The following PUM1 variants were observed in gnomAD, a reference collection of about 807,000 sequenced individuals.
The protein encoded by PUM1 is pumilio RNA binding family member 1, also known as pumilio homolog 1.
In PUM1, 13 loss-of-function variants were observed where a neutral mutation model predicts 131.8. That is an observed-to-expected ratio of 0.10 (90% confidence interval 0.06 to 0.16). The LOEUF is 0.16. Among genes scored for constraint, PUM1 ranks in the 10% least tolerant of loss-of-function variants. PUM1 has a pLI of 1.00. For missense variants in PUM1, 961 were observed against 1,512.4 expected, an observed-to-expected ratio of 0.64 and a Z score of 6.05; for synonymous variants, 509 against 556.5, an observed-to-expected ratio of 0.91 and a Z score of 1.20.
intron 21 of PUM1, 51 bp from the exon 22 acceptor site, chr1:30,933,393 G>A (rs1639037466): frequency 3.2e-6 from 5 of 1,572,368 alleles, no homozygotes; most frequent in Admixed American, 1.7e-5. Flanking sequence ...AGACTTGGGG[G>A]CAGGCTTCCC....
chr1:31,015,671 T>C (rs1472899410), intron 3 of PUM1, among the ~76,000 whole-genome samples: 1 of 150,204 alleles, frequency 6.7e-6, no homozygotes, highest in Non-Finnish European at 1.5e-5. Context: ...TTTTTCTTTT[T>C]TTTTCTTTTT....
intron 2 of PUM1, among the ~76,000 whole-genome samples, chr1:31,057,771 GA>G (rs1176451125): frequency 6.6e-6 from 1 of 150,826 alleles, no homozygotes; most frequent in Non-Finnish European, 1.5e-5. Context: ...CTTTTGGGGG[GA>G]TCAGAGGAAG....
intron 6 of PUM1, among the ~76,000 whole-genome samples, chr1:30,994,838 T>C (rs1570231624): frequency 6.6e-6 from 1 of 152,210 alleles, no homozygotes; most frequent in South Asian, 2.1e-4. Flanking sequence ...AAATGCAAAA[T>C]CTATCATTTT....
chr1:30,981,047 T>A (rs1420293847), intron 8 of PUM1, among the ~76,000 whole-genome samples: 1 of 152,218 alleles, frequency 6.6e-6, no homozygotes, highest in African/African-American at 2.4e-5. Context: ...CACCAGTCAT[T>A]ACTCTGATAA....
At chr1:31,033,263 G>T (rs897549331) in intron 2 of PUM1, among the ~76,000 whole-genome samples, 1 of 151,386 alleles carries the variant, frequency 6.6e-6, no homozygotes, top group Admixed American at 6.6e-5. Context: ...GGAGTGCAGT[G>T]GTGCGATCTC....
In PUM1 at chr1:30,973,252, T is replaced by TAA. The variant is rs11376427; in HGVS notation, c.1506+1397_1506+1398dup. ...TTTTTTTCTGTAATTGTGTGGAATC[T>TAA]AAAAAAAAAAAAAAAATTAAACATA... On this transcript the variant is annotated intron_variant, in intron 10 of 21. Coordinates refer to ENST00000426105, the MANE Select transcript of PUM1 (RefSeq NM_001020658.2). 3.0e-3 allele frequency among the ~76,000 whole-genome samples: 417 copies of TAA among 138,240 alleles called. 3 individuals are homozygous for TAA. Among genetic ancestry groups the TAA allele is most frequent in the African/African-American group, 9.5e-3 (360 of 38,042 alleles). The allele number at this position is 138,240 out of a possible 152,430, so 90.7% of individuals were successfully genotyped here.
intron 10 of PUM1, among the ~76,000 whole-genome samples, chr1:30,970,849 A>G (rs184861717): frequency 2.0e-5 from 3 of 152,340 alleles, no homozygotes; most frequent in Admixed American, 6.5e-5. Flanking sequence ...TTCACAGAAT[A>G]TAAAGAAGTA....
At chr1:31,033,586 G>A (rs1020928362) in intron 2 of PUM1, among the ~76,000 whole-genome samples, 10 of 151,934 alleles carry the variant, frequency 6.6e-5, no homozygotes, top group South Asian at 2.1e-4. Context: ...GGCAGGTCTC[G>A]AAGCCCTAAG....
intron 3 of PUM1, among the ~76,000 whole-genome samples, chr1:31,021,271 T>C (rs1557589831): frequency 6.6e-6 from 1 of 152,234 alleles, no homozygotes; most frequent in Non-Finnish European, 1.5e-5. Flanking sequence ...CTTTCAGTTT[T>C]GTCTGTTCTT....
At chr1:30,938,822 G>A (rs1469369925) in intron 20 of PUM1, among the ~76,000 whole-genome samples, 4 of 151,996 alleles carry the variant, frequency 2.6e-5, no homozygotes, top group East Asian at 3.9e-4. Flanking sequence ...CCAAGATTGC[G>A]CCACCGTACT....
rs115952415 is a variant in PUM1, at chr1:31,018,535, G to A, written c.432+10261C>T. Among the ~76,000 whole-genome samples, 611 of 151,998 alleles carry A rather than the reference G, an allele frequency of 4.0e-3. 2 individuals carry two copies. Among genetic ancestry groups the A allele is most frequent in the African/African-American group, 0.014 (588 of 41,422 alleles). ...TAGCCAGGTGTCATGGCATGCACCC[G>A]TAGTCCCTGCTACTTGGGAGGCTGA... On this transcript the variant is annotated intron_variant, in intron 3 of 21. Transcript: ENST00000426105.
intron 2 of PUM1, among the ~76,000 whole-genome samples, chr1:31,043,564 T>C (rs1383812084): frequency 6.6e-6 from 1 of 152,056 alleles, no homozygotes; most frequent in African/African-American, 2.4e-5. Context: ...CAAGACTAGG[T>C]TAATGAACTG....
rs371224244 is a variant in PUM1 at position 30,980,035 on chromosome 1, A to T, written c.1354+27T>A. On this transcript the variant is annotated intron_variant, in intron 9 of 21. Coordinates refer to ENST00000426105, the MANE Select transcript of PUM1 (RefSeq NM_001020658.2). The stretch of plus-strand genomic sequence containing the variant: ...CAAATGACTTTTCAGCAGGTGAGAA[A>T]ATCCCTCATGCAGCAGAATGTCTCA... 7.3e-6 allele frequency: 11 copies of T among 1,506,312 alleles called. No individual in the cohort carries two copies. In the African/African-American group the frequency reaches 1.3e-4, roughly 17 times the overall value. 93.3% of individuals were successfully genotyped at this position (1,506,312 alleles called of 1,614,324 possible).
chr1:31,038,984 A>ATATATATTTTTTTTTTTTTT, intron 2 of PUM1, among the ~76,000 whole-genome samples: 4 of 49,414 alleles, frequency 8.1e-5, no homozygotes, highest in East Asian at 1.3e-3. Flanking sequence ...ATATATATAT[A>ATATATATTTTTTTTTTTTTT]TTTTTTTTTT....
At chr1:31,053,694 G>C (rs908526696) in intron 2 of PUM1, among the ~76,000 whole-genome samples, 1 of 150,360 alleles carries the variant, frequency 6.7e-6, no homozygotes, top group East Asian at 2.1e-4. Flanking sequence ...GGCTGCTCTC[G>C]AACTCCTGGG....
chr1:31,041,370 G>A (rs947870486), intron 2 of PUM1, among the ~76,000 whole-genome samples: 2 of 150,518 alleles, frequency 1.3e-5, no homozygotes, highest in Non-Finnish European at 3.0e-5. Context: ...AGCCATCACG[G>A]CCAGTCAAAA....
rs530024598 is a variant in PUM1, at chr1:31,009,376, C to G, written c.433-2274G>C. Among the ~76,000 whole-genome samples, 5 of 152,198 alleles carry G rather than the reference C, an allele frequency of 3.3e-5. No homozygotes were observed. In the South Asian group the frequency reaches 1.0e-3, roughly 32 times the overall value. On this transcript the variant is annotated intron_variant, in intron 3 of 21. Transcript: ENST00000426105. ...CTCACTTGTTTTATGCTCCACATAA[C>G]AGTGCAAAGAACGCTAAGGTGATCA...
chr1:31,005,921 C>T lies in PUM1; in HGVS notation c.652G>A (p.Gly218Ser). 3 of 1,613,908 alleles carry T rather than the reference C, an allele frequency of 1.9e-6. No homozygotes were observed. Among genetic ancestry groups the T allele is most frequent in the Non-Finnish European group, 2.5e-6 (3 of 1,179,948 alleles). Residue 218 changes from glycine to serine, a missense_variant, in exon 5 of 22, where the codon GGC (glycine) becomes AGC (serine). Gly to Ser is a moderately conservative substitution (Grantham distance 56, BLOSUM62 0). This residue lies in a region of PUM1 where 654 missense variants were observed against 923.9 expected (regional missense o/e 0.71). Transcript: ENST00000426105. ...LSPRSESGGL[G>S]VSMVEYVLSS... The stretch of plus-strand genomic sequence containing the variant: ...AACACATACTCCACCATGCTAACGC[C>T]TAGTCCCCCACTCTCCGATCGTGGG...
chr1:31,038,976 A>ATTTTTTTTTTTTT (rs1276496237), intron 2 of PUM1, among the ~76,000 whole-genome samples: 1 of 30,888 alleles, frequency 3.2e-5, no homozygotes, highest in Admixed American at 3.5e-4. Flanking sequence ...ATATATATAT[A>ATTTTTTTTTTTTT]TATATATATT....
Sources: gnomAD v4.1 joint callset for allele counts (sites outside exome capture counted in the v4.1 genomes callset) on GRCh38, gnomAD v4.1.1 for gene constraint, gnomAD v4.1.1 regional missense constraint, MANE v1.5 for transcripts, NCBI Gene and HGNC (gene_info 2026-07-23, HGNC 2026-07-21) for gene names.